The following TEAD1 variants were observed in gnomAD, a reference collection of about 807,000 sequenced individuals.
TEAD1 encodes TEA domain transcription factor 1.
In TEAD1, 9 loss-of-function variants were observed where a neutral mutation model predicts 54.9. That is an observed-to-expected ratio of 0.16 (90% CI 0.10 to 0.29). The LOEUF (loss-of-function observed/expected upper bound fraction) is 0.29. Among genes scored for constraint, TEAD1 ranks in the 10% least tolerant of loss-of-function variants. TEAD1 has a pLI of 1.00. For missense variants in TEAD1, 387 were observed against 535.9 expected, an observed-to-expected ratio of 0.72 and a Z score of 2.74; for synonymous variants, 200 against 187.8, an observed-to-expected ratio of 1.07 and a Z score of -0.53.
chr11:12,703,223 T>A (rs1013265610), intron 2 of TEAD1, among the ~76,000 whole-genome samples: 1 of 152,186 alleles, frequency 6.6e-6, no homozygotes. Context: ...CTAAATGTGC[T>A]GCCCTACTCA....
chr11:12,775,806 CAT>C (rs1315591400), intron 3 of TEAD1, among the ~76,000 whole-genome samples: 22 of 152,122 alleles, frequency 1.4e-4, no homozygotes, highest in Non-Finnish European at 1.8e-4. Flanking sequence ...CAATCGCAAA[CAT>C]ATGTTACTTT....
At chr11:12,767,933 G>A (rs1945240115) in intron 3 of TEAD1, among the ~76,000 whole-genome samples, 1 of 152,178 alleles carries the variant, frequency 6.6e-6, no homozygotes, top group Admixed American at 6.5e-5. Flanking sequence ...AGGACAAGAT[G>A]AGAGGGAAGT....
At chr11:12,726,977 C>T (rs1944325811) in intron 2 of TEAD1, among the ~76,000 whole-genome samples, 2 of 152,112 alleles carry the variant, frequency 1.3e-5, no homozygotes, top group Non-Finnish European at 2.9e-5. Flanking sequence ...TGGTGGCTCA[C>T]AACTGTAATC....
chr11:12,929,424 T>G (rs16911807), intron 11 of TEAD1, among the ~76,000 whole-genome samples: 2,266 of 84,942 alleles, frequency 0.027, 48 homozygotes, highest in African/African-American at 0.088. Context: ...TTGATTTCTT[T>G]GTGGTTTGGG....
At chr11:12,881,266 C>T (rs1019638936) in intron 7 of TEAD1, among the ~76,000 whole-genome samples, 3 of 152,112 alleles carry the variant, frequency 2.0e-5, no homozygotes, top group African/African-American at 7.2e-5. Flanking sequence ...ACCCCATTCC[C>T]ACCTTAAGTA....
intron 2 of TEAD1, among the ~76,000 whole-genome samples, chr11:12,725,755 T>A (rs555822045): frequency 3.9e-5 from 6 of 152,306 alleles, no homozygotes; most frequent in Non-Finnish European, 8.8e-5. Flanking sequence ...AAGATTGTGG[T>A]CTAAGAAGTT....
chr11:12,871,233 G>T (rs1435958152), intron 5 of TEAD1, among the ~76,000 whole-genome samples: 2 of 152,234 alleles, frequency 1.3e-5, no homozygotes, highest in African/African-American at 4.8e-5. Flanking sequence ...AGCGACAGCA[G>T]TGTCACCAAC....
chr11:12,801,371 G>A (rs1946057544), intron 3 of TEAD1, among the ~76,000 whole-genome samples: 1 of 152,182 alleles, frequency 6.6e-6, no homozygotes, highest in African/African-American at 2.4e-5. Context: ...CATGAGCTTG[G>A]CTGCAGATGT....
At chr11:12,859,646 C>G (rs1947459813) in intron 3 of TEAD1, among the ~76,000 whole-genome samples, 1 of 152,122 alleles carries the variant, frequency 6.6e-6, no homozygotes. Flanking sequence ...AAAAGCAATC[C>G]TCAAAACTGA....
At chr11:12,788,323 G>T (rs1203307012) in intron 3 of TEAD1, among the ~76,000 whole-genome samples, 1 of 151,862 alleles carries the variant, frequency 6.6e-6, no homozygotes, top group Non-Finnish European at 1.5e-5. Context: ...GTAGTGACGG[G>T]GTTTCACCAT....
chr11:12,775,966 T>TTG (rs1405788885), intron 3 of TEAD1, among the ~76,000 whole-genome samples: 2 of 146,448 alleles, frequency 1.4e-5, no homozygotes, highest in African/African-American at 5.6e-5. Flanking sequence ...TGGTGTTTAC[T>TTG]GGCGGCGGGG....
At chr11:12,728,023 T>C (rs1400521023) in intron 2 of TEAD1, among the ~76,000 whole-genome samples, 1 of 152,086 alleles carries the variant, frequency 6.6e-6, no homozygotes, top group African/African-American at 2.4e-5. Flanking sequence ...TCTGCTGGGC[T>C]GGTAGGATGA....
At chr11:12,838,206 T>C (rs1464863590) in intron 3 of TEAD1, among the ~76,000 whole-genome samples, 2 of 152,212 alleles carry the variant, frequency 1.3e-5, no homozygotes, top group Non-Finnish European at 2.9e-5. Flanking sequence ...GACTTCCTTT[T>C]GTGAAACTTG....
At chr11:12,910,535 G>A (rs927932151) in intron 10 of TEAD1, among the ~76,000 whole-genome samples, 2 of 151,936 alleles carry the variant, frequency 1.3e-5, no homozygotes, top group Non-Finnish European at 2.9e-5. Flanking sequence ...GAAATCTTAC[G>A]GATTTGTATC....
intron 2 of TEAD1, among the ~76,000 whole-genome samples, chr11:12,704,568 A>G (rs1482262387): frequency 6.6e-6 from 1 of 152,240 alleles, no homozygotes; most frequent in Non-Finnish European, 1.5e-5. Flanking sequence ...CCAACAGCAT[A>G]AGAAAACCAA....
intron 2 of TEAD1, among the ~76,000 whole-genome samples, chr11:12,761,551 A>G (rs890623405): frequency 4.6e-5 from 7 of 152,168 alleles, no homozygotes; most frequent in Non-Finnish European, 1.0e-4. Flanking sequence ...TTCAGGGACA[A>G]CCTCTGAGGG....
At chr11:12,912,028 AT>A (rs1948626742) in intron 10 of TEAD1, among the ~76,000 whole-genome samples, 1 of 151,944 alleles carries the variant, frequency 6.6e-6, no homozygotes, top group Non-Finnish European at 1.5e-5. Context: ...ATTGCTGTGC[AT>A]TGGGCACTCT....
intron 2 of TEAD1, among the ~76,000 whole-genome samples, chr11:12,739,197 T>TA (rs1944597249): frequency 2.1e-5 from 3 of 143,240 alleles, no homozygotes; most frequent in East Asian, 2.0e-4. Context: ...GGTCTCATTC[T>TA]TTCTATCTAT....
chr11:12,907,599 A>G (rs1221665329), intron 10 of TEAD1, among the ~76,000 whole-genome samples: 1 of 152,210 alleles, frequency 6.6e-6, no homozygotes, highest in African/African-American at 2.4e-5. Context: ...AATGGAAGGG[A>G]AGGGAAGAGG....
Sources: allele counts gnomAD v4.1 joint callset (sites outside exome capture counted in the v4.1 genomes callset), GRCh38; gene constraint gnomAD v4.1.1; transcripts MANE v1.5; gene names NCBI Gene and HGNC (gene_info 2026-07-23, HGNC 2026-07-21).